Variants in DNAH11 observed in about 807,000 individuals in gnomAD.
DNAH11 encodes the protein axonemal beta dynein heavy chain 11.
DNAH11 carries 442 observed loss-of-function variants against 526.0 expected under a neutral mutation model. The ratio of observed to expected loss-of-function variants is 0.84; its 90% CI spans 0.78 to 0.91. The LOEUF (loss-of-function observed/expected upper bound fraction) is 0.91, where lower values mean the gene tolerates loss of function less well. Ranked by LOEUF, DNAH11 falls within the 40% of genes least tolerant of loss-of-function variation. The pLI, the probability that DNAH11 is intolerant of heterozygous loss-of-function variation, is 0.00. For synonymous variants in DNAH11, 2,461 were observed against 1,935.9 expected (o/e 1.27, Z -7.12); for missense variants, 6,989 against 5,448.7 (o/e 1.28, Z -8.90).
At chr7:21,796,859 G>C (rs572412276) in intron 61 of DNAH11, among the ~76,000 whole-genome samples, 4 of 152,290 alleles carry the variant, frequency 2.6e-5, no homozygotes, top group African/African-American at 7.2e-5. Context: ...ATAGTGCTGG[G>C]TGCTTGCTAG....
At chr7:21,586,941 C>T (rs187856591) in intron 9 of DNAH11, among the ~76,000 whole-genome samples, 20 of 152,344 alleles carry the variant, frequency 1.3e-4, no homozygotes, top group Admixed American at 1.2e-3. Context: ...CAAATCCCAG[C>T]TCCGCCACTA....
intron 21 of DNAH11, 105 bp from the exon 22 acceptor site, chr7:21,616,104 C>T (rs1436902505): frequency 3.7e-6 from 3 of 821,706 alleles, no homozygotes; most frequent in African/African-American, 1.7e-5. Context: ...ATTGACTTTC[C>T]ACTGGATGAT....
chr7:21,859,932 C>T (rs1019827593), intron 68 of DNAH11, among the ~76,000 whole-genome samples: 1 of 152,038 alleles, frequency 6.6e-6, no homozygotes, highest in Non-Finnish European at 1.5e-5. Flanking sequence ...AAAATAAGGA[C>T]ATAAGTGGAC....
intron 21 of DNAH11, among the ~76,000 whole-genome samples, chr7:21,615,875 TTACA>T (rs1341196154): frequency 6.6e-6 from 1 of 152,202 alleles, no homozygotes. Flanking sequence ...GCTTATTTAG[TTACA>T]TGTAGAATTA....
At chr7:21,614,949 T>C (rs1785695299) in intron 20 of DNAH11, among the ~76,000 whole-genome samples, 165 bp from the exon 21 acceptor site, 1 of 152,218 alleles carries the variant, frequency 6.6e-6, no homozygotes, top group Non-Finnish European at 1.5e-5. Context: ...GCAGCTGAGT[T>C]TGCTCTTCTA....
At chr7:21,610,054 A>T (rs577503661) in intron 20 of DNAH11, among the ~76,000 whole-genome samples, 30 of 152,284 alleles carry the variant, frequency 2.0e-4, no homozygotes, top group Admixed American at 1.1e-3. Flanking sequence ...GGAGATGGAG[A>T]CCATCCTGGC....
At chr7:21,720,554 A>T (rs1027821387) in intron 43 of DNAH11, among the ~76,000 whole-genome samples, 171 bp from the exon 44 acceptor site, 1 of 151,938 alleles carries the variant, frequency 6.6e-6, no homozygotes, top group African/African-American at 2.4e-5. Context: ...CAAGTTTTCT[A>T]CTGTTAACTT....
In DNAH11 at chr7:21,581,960, G is replaced by T. The variant is rs762006113; in HGVS notation, c.1649G>T (p.Arg550Met). ...TCCAAAACTCTGGAATTTGACAGAA[G>T]GCTTGGGACAATTATTTGTGAAGCT... ...FKSKTLEFDR[R>M]LGTIICEAFF... Residue 550 changes from arginine to methionine, a missense_variant, in exon 9 of 82, where the codon AGG (arginine) becomes ATG (methionine). Coordinates refer to ENST00000409508, the MANE Select transcript of DNAH11 (RefSeq NM_001277115.2). 1 of 1,613,362 alleles carries T rather than the reference G, an allele frequency of 6.2e-7. No individual in the cohort carries two copies. Among genetic ancestry groups the T allele is most frequent in the South Asian group, 1.1e-5 (1 of 91,032 alleles).
intron 43 of DNAH11, among the ~76,000 whole-genome samples, 199 bp downstream of exon 43, chr7:21,718,124 G>A (rs1784735573): frequency 6.9e-6 from 1 of 144,244 alleles, no homozygotes; most frequent in Non-Finnish European, 1.5e-5. Context: ...TTCTGTTAGT[G>A]TTTAAGTTTG....
At chr7:21,556,146 C>T (rs548537637) in intron 2 of DNAH11, among the ~76,000 whole-genome samples, 86 of 152,284 alleles carry the variant, frequency 5.6e-4, no homozygotes, top group Non-Finnish European at 9.0e-4. Flanking sequence ...AGGTTATACC[C>T]TGGTCCCTTT....
intron 54 of DNAH11, among the ~76,000 whole-genome samples, chr7:21,751,278 C>A (rs752160777): frequency 5.9e-5 from 9 of 152,056 alleles, no homozygotes; most frequent in Non-Finnish European, 1.3e-4. Context: ...GAGCCAAGAT[C>A]GCGCCATTGT....
chr7:21,690,463 C>G (rs944357917), intron 34 of DNAH11, among the ~76,000 whole-genome samples: 3 of 152,162 alleles, frequency 2.0e-5, no homozygotes, highest in African/African-American at 7.2e-5. Flanking sequence ...AATGCCATCA[C>G]CTCCTTCCAT....
At chr7:21,874,804 T>C (rs529166836) in intron 74 of DNAH11, among the ~76,000 whole-genome samples, 2 of 152,306 alleles carry the variant, frequency 1.3e-5, no homozygotes, top group East Asian at 1.9e-4. Flanking sequence ...TTTCTTGCTA[T>C]TGCTCTGAGA....
intron 22 of DNAH11, 98 bp from the exon 23 acceptor site, chr7:21,617,521 A>G: frequency 7.3e-7 from 1 of 1,375,286 alleles, no homozygotes. Context: ...ACTCTTTTCT[A>G]ATCCAGGAGT....
chr7:21,779,222 A>T, intron 57 of DNAH11, 118 bp downstream of exon 57: 1 of 1,246,590 alleles, frequency 8.0e-7, no homozygotes. Context: ...AAGAATTATT[A>T]TAGTTACACA....
intron 12 of DNAH11, among the ~76,000 whole-genome samples, chr7:21,590,207 C>T (rs1182033614): frequency 6.6e-6 from 1 of 151,956 alleles, no homozygotes; most frequent in African/African-American, 2.4e-5. Flanking sequence ...TATATTTAAT[C>T]AATGCTAGAT....
chr7:21,765,178 T>C (rs1787119890), intron 54 of DNAH11, among the ~76,000 whole-genome samples: 1 of 151,994 alleles, frequency 6.6e-6, no homozygotes, highest in South Asian at 2.1e-4. Context: ...ACCAAAAATG[T>C]TTAAGCAAAG....
intron 12 of DNAH11, among the ~76,000 whole-genome samples, chr7:21,589,966 A>G (rs1251464556): frequency 6.6e-6 from 1 of 152,178 alleles, no homozygotes; most frequent in African/African-American, 2.4e-5. Context: ...AATTGATGGT[A>G]ATTTTAAAAA....
At chr7:21,795,906 A>C (rs1294825030) in intron 61 of DNAH11, among the ~76,000 whole-genome samples, 1 of 152,224 alleles carries the variant, frequency 6.6e-6, no homozygotes, top group Admixed American at 6.5e-5. Context: ...CAGTCTTAAA[A>C]GATGAATAGG....
Sources: gnomAD v4.1 joint callset for allele counts (sites outside exome capture counted in the v4.1 genomes callset) on GRCh38, gnomAD v4.1.1 for gene constraint, MANE v1.5 for transcripts, NCBI Gene and HGNC (gene_info 2026-07-23, HGNC 2026-07-21) for gene names.